The following PRKCA variants were observed in gnomAD, a reference collection of about 807,000 sequenced individuals.
PRKCA encodes protein kinase C alpha.
Under a neutral mutation model 87.0 loss-of-function variants are expected in PRKCA, and 27 were observed. The ratio of observed to expected loss-of-function variants is 0.31; its 90% confidence interval spans 0.23 to 0.43. The LOEUF is 0.43. Among genes scored for constraint, PRKCA ranks in the 20% least tolerant of loss-of-function variants. The pLI, the probability that PRKCA is intolerant of heterozygous loss-of-function variation, is 1.00. For synonymous variants in PRKCA, 329 were observed against 311.1 expected (o/e 1.06, Z -0.61); for missense variants, 518 against 852.3 (o/e 0.61, Z 4.88).
intron 13 of PRKCA, among the ~76,000 whole-genome samples, chr17:66,755,135 C>T (rs1974519223): frequency 6.6e-6 from 1 of 152,202 alleles, no homozygotes; most frequent in African/African-American, 2.4e-5. Flanking sequence ...CAAACAAGAG[C>T]TTCCTTGGAA....
chr17:66,399,418 T>G (rs1475567930), intron 2 of PRKCA, among the ~76,000 whole-genome samples: 1 of 152,170 alleles, frequency 6.6e-6, no homozygotes, highest in African/African-American at 2.4e-5. Context: ...TTTAAGTTTT[T>G]CAAAATTTCA....
At chr17:66,412,174 T>G (rs967341926) in intron 2 of PRKCA, among the ~76,000 whole-genome samples, 5 of 151,878 alleles carry the variant, frequency 3.3e-5, no homozygotes, top group African/African-American at 7.3e-5. Flanking sequence ...TGAGCTCAGG[T>G]GATCCTCCCA....
chr17:66,783,007 A>ATGCCCACGATGCTCCTC (rs1975278602), intron 14 of PRKCA, among the ~76,000 whole-genome samples: 2 of 152,040 alleles, frequency 1.3e-5, no homozygotes, highest in Non-Finnish European at 2.9e-5. Flanking sequence ...CGCTGCTCCT[A>ATGCCCACGATGCTCCTC]CCCTCATGCC....
At chr17:66,650,053 C>A (rs188040636) in intron 5 of PRKCA, among the ~76,000 whole-genome samples, 8,860 of 152,278 alleles carry the variant, frequency 0.058, 311 homozygotes, top group Admixed American at 0.081. Context: ...GTTTATGGTC[C>A]AGATGCGAGT....
chr17:66,310,971 G>A (rs1000483455), intron 2 of PRKCA, among the ~76,000 whole-genome samples: 3 of 152,186 alleles, frequency 2.0e-5, no homozygotes, highest in African/African-American at 4.8e-5. Context: ...CAGAGGATCT[G>A]TCCTCCCTAT....
intron 2 of PRKCA, among the ~76,000 whole-genome samples, chr17:66,456,771 G>T (rs1375907051): frequency 6.6e-6 from 1 of 152,202 alleles, no homozygotes; most frequent in African/African-American, 2.4e-5. Context: ...GAAATAGCTT[G>T]AGCCCTGGGC....
intron 2 of PRKCA, among the ~76,000 whole-genome samples, chr17:66,480,149 G>A (rs959651022): frequency 2.0e-5 from 3 of 152,036 alleles, no homozygotes; most frequent in African/African-American, 7.2e-5. Flanking sequence ...TTTAAAATTT[G>A]TGGGTGCTTC....
chr17:66,714,218 C>T (rs1973415194), intron 8 of PRKCA, among the ~76,000 whole-genome samples: 1 of 151,826 alleles, frequency 6.6e-6, no homozygotes, highest in African/African-American at 2.4e-5. Flanking sequence ...CCATGTTCCC[C>T]CCCACCCGCT....
At chr17:66,522,503 G>C (rs565702485) in intron 3 of PRKCA, among the ~76,000 whole-genome samples, 2 of 152,212 alleles carry the variant, frequency 1.3e-5, no homozygotes, top group South Asian at 4.2e-4. Context: ...GGATGGAAAT[G>C]GAAGCTCCTG....
At chr17:66,795,956 G>A (rs1445265597) in intron 16 of PRKCA, among the ~76,000 whole-genome samples, 3 of 152,148 alleles carry the variant, frequency 2.0e-5, no homozygotes, top group Admixed American at 1.3e-4. Flanking sequence ...ACTCATCAAC[G>A]GAATCAGCCT....
chr17:66,558,844 C>T (rs1287739890), intron 3 of PRKCA, among the ~76,000 whole-genome samples: 1 of 152,136 alleles, frequency 6.6e-6, no homozygotes, highest in African/African-American at 2.4e-5. Context: ...GAGGTTCGGC[C>T]ATGGACCTGA....
At chr17:66,376,526 T>G (rs1198721119) in intron 2 of PRKCA, among the ~76,000 whole-genome samples, 1 of 151,714 alleles carries the variant, frequency 6.6e-6, no homozygotes, top group Non-Finnish European at 1.5e-5. Flanking sequence ...GAGAATCGCT[T>G]GAACCTGGGA....
intron 5 of PRKCA, among the ~76,000 whole-genome samples, chr17:66,649,153 AT>A (rs1031449830): frequency 6.6e-6 from 1 of 152,034 alleles, no homozygotes; most frequent in Non-Finnish European, 1.5e-5. Context: ...GTTACTAGGA[AT>A]TTTTTTAAAG....
chr17:66,374,314 T>C (rs1013688139), intron 2 of PRKCA, among the ~76,000 whole-genome samples: 4 of 152,224 alleles, frequency 2.6e-5, no homozygotes, highest in African/African-American at 9.6e-5. Context: ...CACGGACTGC[T>C]GTCTGTGGCT....
chr17:66,698,253 A>G (rs1173669500), intron 8 of PRKCA, among the ~76,000 whole-genome samples: 1 of 152,210 alleles, frequency 6.6e-6, no homozygotes, highest in Non-Finnish European at 1.5e-5. Flanking sequence ...AAGGAACACA[A>G]TATTCCAGAA....
intron 2 of PRKCA, among the ~76,000 whole-genome samples, chr17:66,350,181 C>T (rs1293383181): frequency 6.6e-6 from 1 of 152,034 alleles, no homozygotes. Flanking sequence ...TTATTTTTTT[C>T]CTTTTTCCTT....
intron 2 of PRKCA, among the ~76,000 whole-genome samples, chr17:66,342,403 CAG>C (rs989847270): frequency 1.8e-4 from 27 of 150,612 alleles, no homozygotes; most frequent in Non-Finnish European, 3.0e-4. Context: ...GCCTGAGCAG[CAG>C]AGTGAGACTC....
Position 66,361,469 on chromosome 17 carries a change from G to A in PRKCA, c.205+55342G>A, listed in dbSNP as rs560380906. On this transcript the variant is annotated intron_variant, in intron 2 of 16. Transcript: ENST00000413366. ...TGGGATTACAGGCACCCGCCACCAC[G>A]CCTGGCTAATTTTTGTATTTTAGTA... is the stretch of plus-strand genomic sequence containing the variant. 7.2e-5 allele frequency among the ~76,000 whole-genome samples: 11 copies of A among 151,838 alleles called. No individual in the cohort carries two copies. In the East Asian group the frequency reaches 1.9e-3, roughly 27 times the overall value.
intron 3 of PRKCA, among the ~76,000 whole-genome samples, chr17:66,618,078 A>C (rs2143676918): frequency 6.6e-6 from 1 of 152,256 alleles, no homozygotes. Flanking sequence ...ATTCAGGCCG[A>C]ATGCAGTGGC....
Sources: allele counts gnomAD v4.1 joint callset (sites outside exome capture counted in the v4.1 genomes callset), GRCh38; gene constraint gnomAD v4.1.1; transcripts MANE v1.5; gene names NCBI Gene and HGNC (gene_info 2026-07-23, HGNC 2026-07-21).